KIF6: variants seen among roughly 807,000 people sequenced by gnomAD.
KIF6 encodes the protein kinesin-like protein KIF6.
KIF6 carries 106 observed loss-of-function variants against 112.7 expected under a neutral mutation model. That is an observed-to-expected ratio of 0.94 (90% confidence interval 0.80 to 1.11). The LOEUF is 1.11. KIF6 is among the 50% of genes least tolerant of loss of function. The pLI, the probability that KIF6 is intolerant of heterozygous loss-of-function variation, is 0.00. For missense variants in KIF6, 929 were observed against 964.0 expected (o/e 0.96, Z 0.48); for synonymous variants, 339 against 339.9 (o/e 1.00, Z 0.03).
chr6:39,365,351 T>G (rs1306315568), intron 16 of KIF6, among the ~76,000 whole-genome samples: 2 of 152,182 alleles, frequency 1.3e-5, no homozygotes, highest in Non-Finnish European at 2.9e-5. Flanking sequence ...TGGTGCAATT[T>G]ATTGGCTCAG....
chr6:39,592,818 C>T (rs1782027820), intron 7 of KIF6, among the ~76,000 whole-genome samples: 1 of 152,196 alleles, frequency 6.6e-6, no homozygotes, highest in African/African-American at 2.4e-5. Context: ...CAATAAAGTC[C>T]ATTCAACTCA....
chr6:39,653,119 C>A (rs1190559179), intron 3 of KIF6, among the ~76,000 whole-genome samples: 1 of 152,154 alleles, frequency 6.6e-6, no homozygotes, highest in African/African-American at 2.4e-5. Context: ...TTCATTTGTT[C>A]TCATCTTAAA....
chr6:39,511,989 A>C (rs1275006592), intron 13 of KIF6, among the ~76,000 whole-genome samples: 1 of 152,200 alleles, frequency 6.6e-6, no homozygotes, highest in Non-Finnish European at 1.5e-5. Context: ...GAAATACCTA[A>C]TGTAAATCAT....
At chr6:39,640,252 T>A (rs2466408) in intron 3 of KIF6, among the ~76,000 whole-genome samples, 1 of 151,818 alleles carries the variant, frequency 6.6e-6, no homozygotes, top group East Asian at 1.9e-4. Context: ...AATTCCCCTC[T>A]TCTCTTTTCT....
At chr6:39,507,065 T>C (rs1240137287) in intron 13 of KIF6, among the ~76,000 whole-genome samples, 1 of 152,166 alleles carries the variant, frequency 6.6e-6, no homozygotes, top group Non-Finnish European at 1.5e-5. Context: ...TCTAACAAAT[T>C]ATTGAACCTG....
At chr6:39,576,866 G>C (rs189075044) in intron 10 of KIF6, among the ~76,000 whole-genome samples, 88 of 152,258 alleles carry the variant, frequency 5.8e-4, no homozygotes, top group African/African-American at 2.1e-3. Flanking sequence ...GGCCTAGACT[G>C]GTTCTGTTTT....
At position 39,437,042 on chromosome 6, in the gene KIF6, T is replaced by C. The variant is rs559782580; in HGVS notation, c.1646-5881A>G. 1.3e-3 allele frequency among the ~76,000 whole-genome samples: 192 copies of C among 152,312 alleles called. 1 individual carries two copies. The highest frequency in any genetic ancestry group is 4.4e-3 in the African/African-American group (181 of 41,566). ...TTGTTTGTGTCATCTATGTTTTTTT[T>C]CATCAGTATTTTGTAGTTCTCCTTG... On this transcript the variant is annotated intron_variant, in intron 13 of 22. Coordinates refer to ENST00000287152, the MANE Select transcript of KIF6 (RefSeq NM_145027.6).
At chr6:39,720,126 T>A (rs1790119724) in intron 2 of KIF6, among the ~76,000 whole-genome samples, 1 of 152,186 alleles carries the variant, frequency 6.6e-6, no homozygotes, top group African/African-American at 2.4e-5. Flanking sequence ...ATGAAAAATG[T>A]CTTGAGATAT....
At chr6:39,543,167 G>A (rs1393435517) in intron 12 of KIF6, among the ~76,000 whole-genome samples, 1 of 152,152 alleles carries the variant, frequency 6.6e-6, no homozygotes, top group Non-Finnish European at 1.5e-5. Flanking sequence ...AGCCCAGAAG[G>A]GGATTAAGAA....
At chr6:39,666,023 C>T (rs1448832972) in intron 3 of KIF6, among the ~76,000 whole-genome samples, 1 of 152,208 alleles carries the variant, frequency 6.6e-6, no homozygotes, top group Non-Finnish European at 1.5e-5. Context: ...TCACTGGCTT[C>T]TTCAGGCAAA....
At chr6:39,547,534 C>T (rs1156941394) in intron 10 of KIF6, among the ~76,000 whole-genome samples, 2 of 152,082 alleles carry the variant, frequency 1.3e-5, no homozygotes, top group African/African-American at 4.8e-5. Context: ...GTGAAAACTC[C>T]TCCCACTCCC....
At chr6:39,436,142 T>G (rs1358091000) in intron 13 of KIF6, among the ~76,000 whole-genome samples, 1 of 152,222 alleles carries the variant, frequency 6.6e-6, no homozygotes, top group African/African-American at 2.4e-5. Context: ...GCATGTTTGC[T>G]GGCCATTTTT....
At chr6:39,368,625 C>T (rs957645316) in intron 16 of KIF6, among the ~76,000 whole-genome samples, 6 of 152,198 alleles carry the variant, frequency 3.9e-5, no homozygotes. Context: ...CCTTTAATAA[C>T]CGAAATCCAT....
chr6:39,339,734 C>T (rs1403481362), intron 22 of KIF6, among the ~76,000 whole-genome samples: 1 of 152,186 alleles, frequency 6.6e-6, no homozygotes, highest in Non-Finnish European at 1.5e-5. Context: ...ATGCCCCTTA[C>T]GGGTGTTATA....
chr6:39,712,912 T>C (rs1306234086), intron 3 of KIF6, among the ~76,000 whole-genome samples: 1 of 152,196 alleles, frequency 6.6e-6, no homozygotes, highest in Non-Finnish European at 1.5e-5. Flanking sequence ...GTAACAAACC[T>C]GCACGTTGCG....
intron 13 of KIF6, among the ~76,000 whole-genome samples, chr6:39,522,292 T>G (rs1295831589): frequency 1.3e-5 from 2 of 152,160 alleles, no homozygotes; most frequent in African/African-American, 2.4e-5. Flanking sequence ...TTGGTCCCAC[T>G]ACCCACTCTT....
At chr6:39,651,229 C>T (rs948610089) in intron 3 of KIF6, among the ~76,000 whole-genome samples, 2 of 152,150 alleles carry the variant, frequency 1.3e-5, no homozygotes, top group African/African-American at 4.8e-5. Context: ...TAAAGTAAAT[C>T]GAGCTTCTGG....
chr6:39,362,609 C>A, intron 16 of KIF6, 91 bp from the exon 17 acceptor site: 1 of 978,744 alleles, frequency 1.0e-6, no homozygotes, highest in Admixed American at 1.8e-5. Context: ...CAAGGGCACC[C>A]CAAGAAGAAA....
In KIF6 at chr6:39,581,742, A is replaced by G. The variant is rs528250152; in HGVS notation, c.1077+3156T>C. ...TCTTAGGTTCAGCATCCATCTTGCA[A>G]CATCCCAGGGCTTTAATCTCTATTC... On this transcript the variant is annotated intron_variant, in intron 9 of 22. Transcript: ENST00000287152. Among the ~76,000 whole-genome samples the G allele has an allele frequency of 2.2e-4, 34 of 152,148 alleles. 1 individual carries two copies. The South Asian group carries it at 6.7e-3, about 30-fold the overall frequency.
Sources: allele counts gnomAD v4.1 joint callset (sites outside exome capture counted in the v4.1 genomes callset), GRCh38; gene constraint gnomAD v4.1.1; transcripts MANE v1.5; gene names NCBI Gene and HGNC (gene_info 2026-07-23, HGNC 2026-07-21).